FMN1: variants seen among roughly 807,000 people sequenced by gnomAD.
FMN1 encodes the protein formin 1.
A neutral mutation model predicts 132.4 loss-of-function variants in FMN1; 110 were observed. The ratio of observed to expected loss-of-function variants is 0.83; its 90% CI spans 0.71 to 0.97. The LOEUF (loss-of-function observed/expected upper bound fraction) is 0.97. FMN1 is among the 50% of genes least tolerant of loss of function. FMN1 has a pLI of 0.00. For missense variants in FMN1, 1,792 were observed against 1,705.3 expected (o/e 1.05, Z -0.90); for synonymous variants, 722 against 651.7 (o/e 1.11, Z -1.64).
intron 9 of FMN1, among the ~76,000 whole-genome samples, chr15:32,927,424 AT>A (rs2060989149): frequency 6.6e-6 from 1 of 151,920 alleles, no homozygotes; most frequent in South Asian, 2.1e-4. Context: ...GCTAATTTTT[AT>A]TTTTTTGATG....
At chr15:33,146,502 C>T (rs1341941914) in intron 4 of FMN1, among the ~76,000 whole-genome samples, 2 of 148,384 alleles carry the variant, frequency 1.3e-5, no homozygotes, top group East Asian at 2.6e-4. Flanking sequence ...CAAGTTCTTT[C>T]CTATAAGGCT....
intron 8 of FMN1, among the ~76,000 whole-genome samples, chr15:32,965,529 T>C (rs2031128671): frequency 6.6e-6 from 1 of 152,322 alleles, no homozygotes; most frequent in African/African-American, 2.4e-5. Context: ...CCATACCTAT[T>C]TTCTCAATGA....
intron 17 of FMN1, 34 bp downstream of exon 17, chr15:32,856,981 G>T: frequency 6.9e-7 from 1 of 1,450,776 alleles, no homozygotes; most frequent in Non-Finnish European, 9.7e-7. Flanking sequence ...ATGTTTCAGG[G>T]CCACGTGTAT....
intron 7 of FMN1, among the ~76,000 whole-genome samples, chr15:33,000,699 A>C (rs1214246111): frequency 2.0e-5 from 3 of 152,206 alleles, no homozygotes; most frequent in Admixed American, 2.0e-4. Context: ...AGATTATATT[A>C]ATCAATTAGG....
chr15:32,897,261 A>T (rs2060182640), intron 15 of FMN1, among the ~76,000 whole-genome samples: 1 of 152,134 alleles, frequency 6.6e-6, no homozygotes, highest in Non-Finnish European at 1.5e-5. Context: ...CAATTTTTAA[A>T]ATTGGGTTTT....
intron 5 of FMN1, chr15:33,068,067 G>C: frequency 7.1e-7 from 1 of 1,409,772 alleles, no homozygotes; most frequent in South Asian, 1.6e-5. Flanking sequence ...CTTCCGGTTT[G>C]TGCGATGATG....
chr15:32,939,555 C>T (rs535176299), intron 9 of FMN1, among the ~76,000 whole-genome samples: 4 of 151,904 alleles, frequency 2.6e-5, no homozygotes, highest in Admixed American at 6.6e-5. Flanking sequence ...TTATGTTGAA[C>T]CATCTATTAA....
In FMN1 at chr15:32,773,681, T is replaced by C. The variant is rs2056323271; in HGVS notation, c.*629A>G. On this transcript the variant is annotated 3_prime_UTR_variant, in exon 21 of 21. Coordinates refer to ENST00000616417, the MANE Select transcript of FMN1 (RefSeq NM_001277313.2). ...AAGTTTATGGCTATTTGTCTCCCTC[T>C]CTCCACCCAGGTATGATTCTGTTTT... 1 of 152,286 alleles carries C rather than the reference T, an allele frequency of 6.6e-6. No homozygotes were observed. Among genetic ancestry groups the C allele is most frequent in the African/African-American group, 2.4e-5 (1 of 41,442 alleles). The allele number at this position is 152,286 out of a possible 1,614,324, so 9.4% of individuals were successfully genotyped here.
At position 32,774,079 on chromosome 15, in the gene FMN1, C is replaced by T; in HGVS notation, c.*231G>A. The T allele has an allele frequency of 1.9e-6, 1 of 520,030 alleles. No homozygotes were observed. Among genetic ancestry groups the T allele is most frequent in the Non-Finnish European group, 3.3e-6 (1 of 298,642 alleles). The allele number at this position is 520,030 out of a possible 1,614,324, so 32.2% of individuals were successfully genotyped here. ...TTGGGCTTCCACAAGAAACAGTCATCAAATATTTCTGCAATGTTCCCTTAA... is the reference window on the plus strand; with the variant it reads ...TTGGGCTTCCACAAGAAACAGTCATTAAATATTTCTGCAATGTTCCCTTAA... On this transcript the variant is annotated 3_prime_UTR_variant, in exon 21 of 21. Coordinates refer to ENST00000616417, the MANE Select transcript of FMN1 (RefSeq NM_001277313.2).
chr15:33,115,536 T>C (rs982800665), intron 4 of FMN1, among the ~76,000 whole-genome samples: 1 of 147,800 alleles, frequency 6.8e-6, no homozygotes, highest in Non-Finnish European at 1.5e-5. Context: ...ACTTGCTGTC[T>C]TGCCAGCCTC....
In FMN1 at chr15:33,154,686, G is replaced by T. The variant is rs1456972317; in HGVS notation, c.229C>A (p.Gln77Lys). 1 of 1,536,106 alleles carries T rather than the reference G, an allele frequency of 6.5e-7. No individual in the cohort carries two copies. Among genetic ancestry groups the T allele is most frequent in the African/African-American group, 1.4e-5 (1 of 73,136 alleles). The change falls in exon 4 of 21, where the codon CAG becomes AAG. Residue 77 changes from glutamine to lysine, a missense_variant. Gln to Lys is a moderately conservative substitution (Grantham distance 53). Transcript: ENST00000616417. The stretch of plus-strand genomic sequence containing the variant: ...GTTAGAATGTCTTTCGTGGGAGTCT[G>T]CTTGAAAAATATGTCGCCTGGATGT... ...DEHPGDIFFK[Q>K]TPTKDILTEL... is the part of the protein sequence containing the mutation.
intron 12 of FMN1, chr15:32,908,270 G>C: frequency 2.1e-6 from 1 of 472,178 alleles, no homozygotes; most frequent in Middle Eastern, 5.9e-4. Context: ...CTCTTGGGGT[G>C]GGGGAGGGGG....
intron 9 of FMN1, among the ~76,000 whole-genome samples, chr15:32,948,521 T>C (rs1163505401): frequency 6.6e-6 from 1 of 152,070 alleles, no homozygotes; most frequent in Non-Finnish European, 1.5e-5. Flanking sequence ...TCGCATTTTG[T>C]GTGACGATTT....
At chr15:33,121,014 G>A (rs934812871) in intron 4 of FMN1, among the ~76,000 whole-genome samples, 6 of 151,990 alleles carry the variant, frequency 3.9e-5, no homozygotes, top group Non-Finnish European at 7.4e-5. Flanking sequence ...CTTAATTATA[G>A]GATAGTACTC....
At chr15:32,901,298 A>AC (rs1462117719) in intron 13 of FMN1, among the ~76,000 whole-genome samples, 5 of 152,246 alleles carry the variant, frequency 3.3e-5, no homozygotes, top group African/African-American at 1.2e-4. Flanking sequence ...CTCATATCTT[A>AC]GAGGAAAAAA....
Position 33,163,619 on chromosome 15 carries a change from GT to G in FMN1, c.-131-8575del, listed in dbSNP as rs538123210. 3.0e-3 allele frequency among the ~76,000 whole-genome samples: 289 copies of G among 95,672 alleles called. 1 individual carries two copies. The highest frequency in any genetic ancestry group is 8.1e-3 in the African/African-American group (284 of 35,142). The allele number at this position is 95,672 out of a possible 152,430, so 62.8% of individuals were successfully genotyped here. On this transcript the variant is annotated intron_variant, in intron 3 of 20. Coordinates refer to ENST00000616417, the MANE Select transcript of FMN1 (RefSeq NM_001277313.2). ...GTTTTGTTTTGTTTTGTTTTGTTTT[GT>G]TTTGTTTTGTTTTTGAGACGGAGTT...
Position 32,783,784 on chromosome 15 carries a change from A to AAAAG in FMN1, c.4131-6866_4131-6865insCTTT, listed in dbSNP as rs1491184174. 7.1e-4 allele frequency among the ~76,000 whole-genome samples: 75 copies of AAAAG among 105,868 alleles called. 22 individuals are homozygous for AAAAG. Among genetic ancestry groups the AAAAG allele is most frequent in the South Asian group, 1.3e-3 (4 of 3,174 alleles). 69.5% of individuals were successfully genotyped at this position (105,868 alleles called of 152,430 possible). A position where few individuals can be genotyped will look rare whatever the true frequency, so the allele number is the denominator to read the frequency against. ...AAAAAAAAAAAAAAAAAAAAAAAAAATAGTTGAAGTGGCGTGGCTTTCCAT... is the reference window on the plus strand; with the variant it reads ...AAAAAAAAAAAAAAAAAAAAAAAAAAAAAGTAGTTGAAGTGGCGTGGCTTTCCAT... On this transcript the variant is annotated intron_variant, in intron 19 of 20. Transcript: ENST00000616417.
At chr15:33,152,706 A>G (rs1964486583) in intron 4 of FMN1, among the ~76,000 whole-genome samples, 1 of 140,476 alleles carries the variant, frequency 7.1e-6, no homozygotes, top group Non-Finnish European at 1.5e-5. Context: ...AGGCAGGGAC[A>G]AGTTACCACT....
chr15:32,914,897 G>A (rs1181369654), intron 10 of FMN1, among the ~76,000 whole-genome samples: 1 of 152,186 alleles, frequency 6.6e-6, no homozygotes. Flanking sequence ...GACTGGGAAA[G>A]GAATGGAGTA....
Sources: gnomAD v4.1 joint callset for allele counts (sites outside exome capture counted in the v4.1 genomes callset) on GRCh38, gnomAD v4.1.1 for gene constraint, MANE v1.5 for transcripts, NCBI Gene and HGNC (gene_info 2026-07-23, HGNC 2026-07-21) for gene names.